LRP1B: variants seen among roughly 807,000 people sequenced by gnomAD.
The protein encoded by LRP1B is low-density lipoprotein receptor-related protein 1B.
LRP1B carries 217 observed loss-of-function variants against 556.6 expected under a neutral mutation model. The observed-to-expected ratio is 0.39, with a 90% CI of 0.35 to 0.44. The LOEUF (loss-of-function observed/expected upper bound fraction) is 0.44. Among genes scored for constraint, LRP1B ranks in the 20% least tolerant of loss-of-function variants. The pLI, the probability that LRP1B is intolerant of heterozygous loss-of-function variation, is 1.00. For synonymous variants in LRP1B, 2,047 were observed against 1,865.8 expected, an observed-to-expected ratio of 1.10 and a Z score of -2.50; for missense variants, 5,053 against 5,620.8, an observed-to-expected ratio of 0.90 and a Z score of 3.23.
Position 141,607,136 on chromosome 2 carries a change from T to C in LRP1B, c.206-126603A>G, listed in dbSNP as rs182091302. On this transcript the variant is annotated intron_variant, in intron 2 of 90. Transcript: ENST00000389484. The stretch of plus-strand genomic sequence containing the variant: ...CTTACAAAATTTAATATAGTGAATT[T>C]TAACTACACATTACTTTGACAAAAA... Among the ~76,000 whole-genome samples, 35 of 138,364 alleles carry C rather than the reference T, an allele frequency of 2.5e-4. 1 individual carries two copies. The East Asian group carries it at 7.7e-3, about 31-fold the overall frequency. 90.8% of individuals were successfully genotyped at this position (138,364 alleles called of 152,430 possible). A position where few individuals can be genotyped will look rare whatever the true frequency, so the allele number is the denominator to read the frequency against.
At chr2:141,156,444 C>T (rs756918191) in intron 7 of LRP1B, among the ~76,000 whole-genome samples, 37 of 151,946 alleles carry the variant, frequency 2.4e-4, no homozygotes, top group Non-Finnish European at 4.3e-4. Flanking sequence ...CTGGCCAACA[C>T]GGTGAAAACC....
chr2:140,613,211 C>T (rs1259460387), intron 41 of LRP1B, among the ~76,000 whole-genome samples: 5 of 144,184 alleles, frequency 3.5e-5, no homozygotes. Flanking sequence ...GCACTAAATC[C>T]CTGGCATTAT....
chr2:140,397,934 A>G (rs1558854651), intron 66 of LRP1B, among the ~76,000 whole-genome samples: 1 of 152,134 alleles, frequency 6.6e-6, no homozygotes, highest in Non-Finnish European at 1.5e-5. Flanking sequence ...AGGTGTTAAA[A>G]TTCTTAGGTG....
At chr2:141,561,779 A>G (rs1454805168) in intron 2 of LRP1B, among the ~76,000 whole-genome samples, 1 of 151,880 alleles carries the variant, frequency 6.6e-6, no homozygotes, top group African/African-American at 2.4e-5. Flanking sequence ...ACTCTAATAT[A>G]AAGACAAAAT....
At chr2:141,252,375 T>G (rs1045743899) in intron 4 of LRP1B, among the ~76,000 whole-genome samples, 7 of 152,136 alleles carry the variant, frequency 4.6e-5, no homozygotes, top group African/African-American at 1.7e-4. Flanking sequence ...CAATTTAAAT[T>G]GTGAAACTCT....
intron 84 of LRP1B, among the ~76,000 whole-genome samples, chr2:140,295,063 A>C (rs976223943): frequency 4.6e-5 from 7 of 151,584 alleles, no homozygotes; most frequent in Non-Finnish European, 7.4e-5. Context: ...TTTTTAGTAG[A>C]GACGGCGTTT....
intron 7 of LRP1B, among the ~76,000 whole-genome samples, chr2:141,149,998 T>C (rs979504994): frequency 2.0e-5 from 3 of 152,138 alleles, no homozygotes; most frequent in East Asian, 1.9e-4. Context: ...AGTTGGAAGA[T>C]GCTTGCAAAG....
At chr2:141,764,506 G>C (rs1694671347) in intron 2 of LRP1B, among the ~76,000 whole-genome samples, 1 of 152,080 alleles carries the variant, frequency 6.6e-6, no homozygotes, top group South Asian at 2.1e-4. Flanking sequence ...TTTAAGAAGA[G>C]GAAGAAACAC....
intron 25 of LRP1B, among the ~76,000 whole-genome samples, chr2:140,883,088 T>C (rs1693523953): frequency 1.3e-5 from 2 of 152,090 alleles, no homozygotes; most frequent in African/African-American, 4.8e-5. Flanking sequence ...ATTCATAGAA[T>C]AGAAACCTGA....
At chr2:140,974,366 T>G (rs1696525401) in intron 18 of LRP1B, among the ~76,000 whole-genome samples, 1 of 152,168 alleles carries the variant, frequency 6.6e-6, no homozygotes, top group Non-Finnish European at 1.5e-5. Flanking sequence ...ACTACAACAG[T>G]CTCTAATTCT....
At chr2:140,968,412 C>T (rs1319515018) in intron 18 of LRP1B, among the ~76,000 whole-genome samples, 2 of 150,764 alleles carry the variant, frequency 1.3e-5, no homozygotes, top group Non-Finnish European at 3.0e-5. Context: ...CTATTTGATT[C>T]TTCTCTCTTT....
intron 1 of LRP1B, among the ~76,000 whole-genome samples, chr2:141,896,649 A>T (rs970906596): frequency 6.6e-6 from 1 of 152,180 alleles, no homozygotes; most frequent in Non-Finnish European, 1.5e-5. Flanking sequence ...TGCAAACAAA[A>T]ATGTAGGCAT....
At chr2:141,894,632 TATTTAGATCTAG>T (rs1377920103) in intron 1 of LRP1B, among the ~76,000 whole-genome samples, 3 of 132,860 alleles carry the variant, frequency 2.3e-5, no homozygotes, top group African/African-American at 8.4e-5. Flanking sequence ...CTAAATAGAA[TATTTAGATCTAG>T]ATCTAGATCT....
chr2:141,773,793 T>C (rs935539000), intron 2 of LRP1B, among the ~76,000 whole-genome samples: 2 of 152,206 alleles, frequency 1.3e-5, no homozygotes, highest in African/African-American at 2.4e-5. Flanking sequence ...TGCCAAGTAC[T>C]TGAAATACAA....
At chr2:141,477,972 AAAAG>A in intron 3 of LRP1B, among the ~76,000 whole-genome samples, 1 of 152,282 alleles carries the variant, frequency 6.6e-6, no homozygotes, top group East Asian at 1.9e-4. Flanking sequence ...GCAAAAAAAA[AAAAG>A]TTGTCACATG....
At chr2:140,784,862 C>G (rs546049817) in intron 32 of LRP1B, among the ~76,000 whole-genome samples, 1 of 151,932 alleles carries the variant, frequency 6.6e-6, no homozygotes, top group East Asian at 1.9e-4. Context: ...AATGAAAGTT[C>G]ACCCTCTAAG....
At chr2:141,798,101 GTTCCTAGAAAGATTTAGGT>G (rs1695881803) in intron 2 of LRP1B, among the ~76,000 whole-genome samples, 1 of 152,140 alleles carries the variant, frequency 6.6e-6, no homozygotes, top group South Asian at 2.1e-4. Context: ...AATATGTATT[GTTCCTAGAAAGATTTAGGT>G]GTAAACACAT....
At chr2:141,800,185 G>A (rs1017995633) in intron 2 of LRP1B, among the ~76,000 whole-genome samples, 3 of 152,102 alleles carry the variant, frequency 2.0e-5, no homozygotes, top group Non-Finnish European at 4.4e-5. Context: ...ATATACATGA[G>A]GTTGTATGGC....
intron 2 of LRP1B, among the ~76,000 whole-genome samples, chr2:141,765,355 A>G (rs925692538): frequency 6.6e-6 from 1 of 152,212 alleles, no homozygotes; most frequent in Admixed American, 6.5e-5. Flanking sequence ...GTTTTAGATA[A>G]AAGGTTTTTC....
Sources: gnomAD v4.1 joint callset for allele counts (sites outside exome capture counted in the v4.1 genomes callset) on GRCh38, gnomAD v4.1.1 for gene constraint, MANE v1.5 for transcripts, NCBI Gene and HGNC (gene_info 2026-07-23, HGNC 2026-07-21) for gene names.